The following CTIF variants were observed in gnomAD, a reference collection of about 807,000 sequenced individuals.
The protein encoded by CTIF is cap binding complex dependent translation initiation factor.
CTIF carries 21 observed loss-of-function variants against 66.0 expected under a neutral mutation model. The ratio of observed to expected loss-of-function variants is 0.32; its 90% confidence interval spans 0.23 to 0.46. The LOEUF is 0.46. CTIF is among the 20% of genes least tolerant of loss of function. CTIF has a pLI of 1.00. For synonymous variants in CTIF, 345 were observed against 326.4 expected (o/e 1.06, Z -0.62); for missense variants, 739 against 812.7 (o/e 0.91, Z 1.10).
intron 10 of CTIF, among the ~76,000 whole-genome samples, chr18:48,849,360 G>T (rs141608868): frequency 6.6e-6 from 1 of 151,348 alleles, no homozygotes; most frequent in South Asian, 2.1e-4. Flanking sequence ...ACCATGCCTG[G>T]CAAATTTTTG....
chr18:48,727,070 G>GCACACACACA lies in CTIF; in HGVS notation c.584+15401_584+15410dup, dbSNP rs35188197. 5.0e-3 allele frequency among the ~76,000 whole-genome samples: 722 copies of GCACACACACA among 144,570 alleles called. 7 individuals carry two copies. The highest frequency in any genetic ancestry group is 0.015 in the African/African-American group (585 of 39,012). The allele number at this position is 144,570 out of a possible 152,430, so 94.8% of individuals were successfully genotyped here. Reference sequence around the variant, plus strand: ...TGAGATTTAAGGAGGCAAGTTAGCTGCACACACACACACACACACACACAC... The same window carrying GCACACACACA: ...TGAGATTTAAGGAGGCAAGTTAGCTGCACACACACACACACACACACACACACACACACAC... On this transcript the variant is annotated intron_variant, in intron 7 of 11. Transcript: ENST00000256413.
At chr18:48,589,841 T>G (rs1337609632) in intron 1 of CTIF, among the ~76,000 whole-genome samples, 2 of 152,194 alleles carry the variant, frequency 1.3e-5, no homozygotes, top group Non-Finnish European at 2.9e-5. Flanking sequence ...CAGCCTAGGG[T>G]GGGGCAGAGC....
chr18:48,695,876 G>A (rs530296238), intron 6 of CTIF, among the ~76,000 whole-genome samples: 2 of 152,208 alleles, frequency 1.3e-5, no homozygotes, highest in South Asian at 4.1e-4. Context: ...GAAAGAGTTC[G>A]CAGGGAACTT....
At chr18:48,763,763 T>A (rs1167020969) in intron 9 of CTIF, among the ~76,000 whole-genome samples, 1 of 152,102 alleles carries the variant, frequency 6.6e-6, no homozygotes, top group African/African-American at 2.4e-5. Context: ...CTACTGGAGA[T>A]GAGCCGGGGT....
In CTIF at chr18:48,724,300, A is replaced by G. The variant is rs141363967; in HGVS notation, c.584+12605A>G. 3.9e-3 allele frequency among the ~76,000 whole-genome samples: 588 copies of G among 152,156 alleles called. 2 individuals carry two copies. The highest frequency in any genetic ancestry group is 0.014 in the African/African-American group (574 of 41,520). ...TTCAAATAGGCCTTTGGAATCCTCA[A>G]CTGGTTCGCGCTCCCTGACCCCCTG... On this transcript the variant is annotated intron_variant, in intron 7 of 11. Transcript: ENST00000256413.
At chr18:48,820,521 C>T (rs115062764) in intron 10 of CTIF, among the ~76,000 whole-genome samples, 2 of 152,120 alleles carry the variant, frequency 1.3e-5, no homozygotes, top group South Asian at 2.1e-4. Context: ...GCCCACATTT[C>T]CAGCTGCCCA....
intron 7 of CTIF, among the ~76,000 whole-genome samples, chr18:48,740,219 G>T (rs1208689548): frequency 6.6e-6 from 1 of 152,084 alleles, no homozygotes; most frequent in African/African-American, 2.4e-5. Flanking sequence ...AGCCCCTTGG[G>T]ACCTCTCTTG....
chr18:48,606,313 C>G (rs965790221), intron 1 of CTIF, among the ~76,000 whole-genome samples: 3 of 152,218 alleles, frequency 2.0e-5, no homozygotes, highest in Admixed American at 1.3e-4. Flanking sequence ...ATTGCTAGTC[C>G]AGGGCAAATG....
intron 3 of CTIF, among the ~76,000 whole-genome samples, chr18:48,660,921 A>G (rs1004406606): frequency 1.3e-5 from 2 of 152,092 alleles, no homozygotes; most frequent in African/African-American, 2.4e-5. Flanking sequence ...CTCTCCATCC[A>G]TGTTTCTTAC....
chr18:48,862,989 T>G lies in CTIF; in HGVS notation c.*3430T>G, dbSNP rs1196496891. 1.3e-5 allele frequency: 2 copies of G among 152,272 alleles called. No individual in the cohort carries two copies. The highest frequency in any genetic ancestry group is 2.9e-5 in the Non-Finnish European group (2 of 68,072). 9.4% of individuals were successfully genotyped at this position (152,272 alleles called of 1,614,324 possible). A position where few individuals can be genotyped will look rare whatever the true frequency, so the allele number is the denominator to read the frequency against. On this transcript the variant is annotated 3_prime_UTR_variant, in exon 12 of 12. Transcript: ENST00000256413. ...ACAGATCAGAAGAAAGAAAGACAAC[T>G]TTCCTCTGCGCGGAACACTCACACG...
intron 5 of CTIF, among the ~76,000 whole-genome samples, chr18:48,665,024 C>T (rs1233770181): frequency 6.6e-6 from 1 of 150,958 alleles, no homozygotes; most frequent in African/African-American, 2.4e-5. Flanking sequence ...ACGCCATTCT[C>T]CTGCCTCAGC....
At chr18:48,699,553 T>C (rs2092054705) in intron 6 of CTIF, among the ~76,000 whole-genome samples, 1 of 152,108 alleles carries the variant, frequency 6.6e-6, no homozygotes, top group Admixed American at 6.5e-5. Flanking sequence ...TTAACACAGG[T>C]ATGACCACAT....
intron 9 of CTIF, among the ~76,000 whole-genome samples, chr18:48,801,019 T>C (rs1305872974): frequency 6.6e-6 from 1 of 152,224 alleles, no homozygotes; most frequent in Non-Finnish European, 1.5e-5. Context: ...CCAAGCCTCC[T>C]TGGGAACAAC....
intron 7 of CTIF, chr18:48,756,403 A>G (rs576804936): frequency 5.3e-5 from 8 of 152,360 alleles, no homozygotes; most frequent in African/African-American, 1.7e-4. Flanking sequence ...TTTTTCACAG[A>G]TAAAAATGTA....
At chr18:48,853,881 A>G (rs2069265359) in intron 10 of CTIF, among the ~76,000 whole-genome samples, 1 of 152,188 alleles carries the variant, frequency 6.6e-6, no homozygotes, top group South Asian at 2.1e-4. Flanking sequence ...ACCAGTCCCC[A>G]GGGTTGGCTG....
chr18:48,853,398 G>T (rs1367773865), intron 10 of CTIF, among the ~76,000 whole-genome samples: 1 of 152,070 alleles, frequency 6.6e-6, no homozygotes. Context: ...AATTTCCAGC[G>T]ACAAGTATGC....
chr18:48,771,280 G>A (rs1049708908), intron 9 of CTIF, among the ~76,000 whole-genome samples: 3 of 152,202 alleles, frequency 2.0e-5, no homozygotes, highest in Non-Finnish European at 4.4e-5. Flanking sequence ...GGCAAAGAAT[G>A]CGTCTGGGTC....
intron 10 of CTIF, among the ~76,000 whole-genome samples, chr18:48,829,869 C>T (rs1259793512): frequency 6.6e-6 from 1 of 152,232 alleles, no homozygotes; most frequent in Non-Finnish European, 1.5e-5. Flanking sequence ...CCATTCTTGC[C>T]TTCAGATGTG....
chr18:48,647,481 A>G (rs547948773), intron 3 of CTIF, among the ~76,000 whole-genome samples: 3 of 152,354 alleles, frequency 2.0e-5, no homozygotes, highest in Non-Finnish European at 4.4e-5. Context: ...ACATTGTGGC[A>G]TTGAACTATA....
Sources: allele counts gnomAD v4.1 joint callset (sites outside exome capture counted in the v4.1 genomes callset), GRCh38; gene constraint gnomAD v4.1.1; transcripts MANE v1.5; gene names NCBI Gene and HGNC (gene_info 2026-07-23, HGNC 2026-07-21).